NF2: variants seen among roughly 807,000 people sequenced by gnomAD.
The protein encoded by NF2 is NF2, moesin-ezrin-radixin like (MERLIN) tumor suppressor.
NF2 carries 8 observed loss-of-function variants against 83.7 expected under a neutral mutation model. The observed-to-expected ratio is 0.10, with a 90% CI of 0.06 to 0.17. The LOEUF (loss-of-function observed/expected upper bound fraction) is 0.17. Among genes scored for constraint, NF2 ranks in the 10% least tolerant of loss-of-function variants. The pLI is 1.00. For synonymous variants in NF2, 266 were observed against 269.6 expected, an observed-to-expected ratio of 0.99 and a Z score of 0.13; for missense variants, 533 against 744.4, an observed-to-expected ratio of 0.72 and a Z score of 3.31.
At chr22:29,660,196 T>G (rs2530672) in intron 7 of NF2, among the ~76,000 whole-genome samples, 56,970 of 151,982 alleles carry the variant, frequency 0.37, 11,331 homozygotes, top group Non-Finnish European at 0.47. Context: ...CCGTCGCAGG[T>G]TCAGTGCTGT....
chr22:29,618,863 G>A (rs1418627229), intron 1 of NF2, among the ~76,000 whole-genome samples: 2 of 152,156 alleles, frequency 1.3e-5, no homozygotes, highest in African/African-American at 4.8e-5. Context: ...TTCTAAAGGG[G>A]AAGACAGATA....
At chr22:29,676,193 A>G (rs1161069893) in intron 13 of NF2, among the ~76,000 whole-genome samples, 6 of 150,886 alleles carry the variant, frequency 4.0e-5, no homozygotes, top group Non-Finnish European at 1.5e-5. Context: ...TTAGAGAGAG[A>G]GAGTTTTATT....
intron 1 of NF2, 51 bp downstream of exon 1, chr22:29,604,163 C>G (rs909214993): frequency 4.9e-6 from 7 of 1,426,208 alleles, no homozygotes; most frequent in Non-Finnish European, 6.8e-6. Flanking sequence ...GGTGGAAGCT[C>G]GAGAGGTTCT....
chr22:29,655,884 T>C (rs938937869), intron 6 of NF2, among the ~76,000 whole-genome samples: 3 of 152,106 alleles, frequency 2.0e-5, no homozygotes, highest in Non-Finnish European at 4.4e-5. Context: ...ATAAAGTAGG[T>C]ATGTGTACTG....
intron 15 of NF2, among the ~76,000 whole-genome samples, chr22:29,690,248 C>T (rs928918952): frequency 2.0e-5 from 3 of 152,190 alleles, no homozygotes; most frequent in African/African-American, 7.2e-5. Flanking sequence ...GGCTGGGTAC[C>T]AGGTTCTTTT....
chr22:29,658,372 G>A (rs576351061), intron 7 of NF2, 108 bp downstream of exon 7: 4 of 983,868 alleles, frequency 4.1e-6, no homozygotes, highest in Admixed American at 1.9e-5. Context: ...CTCTTTTATG[G>A]TTCTGTGGTA....
intron 10 of NF2, among the ~76,000 whole-genome samples, chr22:29,670,848 C>T (rs1191595362): frequency 1.3e-5 from 2 of 152,110 alleles, no homozygotes; most frequent in African/African-American, 4.8e-5. Context: ...CTGTGTTTCC[C>T]GCCTGGCTCC....
intron 9 of NF2, among the ~76,000 whole-genome samples, chr22:29,665,286 G>C (rs1211135742): frequency 6.6e-6 from 1 of 151,644 alleles, no homozygotes; most frequent in African/African-American, 2.4e-5. Context: ...TGTCGCCCAG[G>C]CTGGAGTGCA....
chr22:29,646,653 C>T (rs1278541990), intron 4 of NF2, among the ~76,000 whole-genome samples: 2 of 152,112 alleles, frequency 1.3e-5, no homozygotes, highest in Non-Finnish European at 2.9e-5. Context: ...CAGTTAATTC[C>T]AAAGCATAAA....
rs1215998665 is a variant in NF2, at chr22:29,673,456, C to T, written c.1310C>T (p.Ala437Val). ...EQKVLEAEVL[A>V]LKMAEESERR... ...AAGGTGCTGGAAGCCGAGGTGCTGGCACTGAAGATGGCTGAGGAGTCAGAG... is the reference window on the plus strand; with the variant it reads ...AAGGTGCTGGAAGCCGAGGTGCTGGTACTGAAGATGGCTGAGGAGTCAGAG... The change falls in exon 12 of 16, where the codon GCA becomes GTA. Residue 437 changes from alanine to valine, a missense_variant. Around this residue, in one of 3 missense-constraint regions of NF2, gnomAD observed 199 missense variants for 240.7 expected, o/e 0.83. Coordinates refer to ENST00000338641, the MANE Select transcript of NF2 (RefSeq NM_000268.4). 1 of 1,611,350 alleles carries T rather than the reference C, an allele frequency of 6.2e-7. No homozygotes were observed. The highest frequency in any genetic ancestry group is 1.1e-5 in the South Asian group (1 of 89,972).
intron 15 of NF2, among the ~76,000 whole-genome samples, chr22:29,687,081 T>C (rs1400880244): frequency 1.3e-5 from 2 of 152,224 alleles, no homozygotes; most frequent in Non-Finnish European, 2.9e-5. Context: ...TCAGGGTCTT[T>C]CTTTCATCGC....
intron 4 of NF2, among the ~76,000 whole-genome samples, chr22:29,645,188 CAA>C (rs1464759654): frequency 6.6e-6 from 1 of 152,180 alleles, no homozygotes; most frequent in East Asian, 1.9e-4. Context: ...ATAGAAGCAC[CAA>C]AGTCAATTTA....
At chr22:29,607,862 G>A (rs2064839115) in intron 1 of NF2, among the ~76,000 whole-genome samples, 1 of 152,030 alleles carries the variant, frequency 6.6e-6, no homozygotes, top group Non-Finnish European at 1.5e-5. Flanking sequence ...AGAATCAAAT[G>A]AAAATTCTGG....
chr22:29,651,373 A>C (rs913763965), intron 4 of NF2, among the ~76,000 whole-genome samples: 5 of 152,216 alleles, frequency 3.3e-5, no homozygotes, highest in Non-Finnish European at 7.3e-5. Context: ...TCTGGGTCTG[A>C]ATTTTAATAA....
chr22:29,631,178 G>A (rs1374905031), intron 1 of NF2, among the ~76,000 whole-genome samples: 3 of 152,164 alleles, frequency 2.0e-5, no homozygotes, highest in African/African-American at 7.2e-5. Context: ...TATGCTGTTT[G>A]TCAGATACTA....
At position 29,681,531 on chromosome 22, in the gene NF2, C is replaced by T. The variant is rs766752048; in HGVS notation, c.1667C>T (p.Thr556Ile). ...GCCTTGAAACTGAAAGAGAGGGAGACAGCTCTGGATATTCTGCACAATGAG... is the reference window on the plus strand; with the variant it reads ...GCCTTGAAACTGAAAGAGAGGGAGATAGCTCTGGATATTCTGCACAATGAG... Reference protein sequence around the residue: ...IEALKLKERETALDILHNENS... With the variant: ...IEALKLKEREIALDILHNENS... The change falls in exon 15 of 16, where the codon ACA (threonine) becomes ATA (isoleucine). Residue 556 changes from threonine to isoleucine, a missense_variant. Around this residue, in one of 3 missense-constraint regions of NF2, gnomAD observed 199 missense variants for 240.7 expected, o/e 0.83. Transcript: ENST00000338641. The T allele has an allele frequency of 2.5e-6, 4 of 1,614,072 alleles. No homozygotes were observed. Among genetic ancestry groups the T allele is most frequent in the Non-Finnish European group, 3.4e-6 (4 of 1,180,050 alleles).
chr22:29,691,501 G>C (rs765434119), intron 15 of NF2, among the ~76,000 whole-genome samples: 66 of 152,256 alleles, frequency 4.3e-4, no homozygotes, highest in Non-Finnish European at 8.1e-4. Flanking sequence ...GGGGAACCAG[G>C]AAACTTGTTA....
Position 29,695,329 on chromosome 22 carries a change from G to A in NF2, c.*527G>A, listed in dbSNP as rs985623687. The A allele has an allele frequency of 3.7e-6, 1 of 268,608 alleles. No homozygotes were observed. 16.6% of individuals were successfully genotyped at this position (268,608 alleles called of 1,614,324 possible). ...CCGGCTTCTCATCGTCAGGGAGCCCGCCCAGAGCTCGTGACGAGCAAGTGC... is the reference window on the plus strand; with the variant it reads ...CCGGCTTCTCATCGTCAGGGAGCCCACCCAGAGCTCGTGACGAGCAAGTGC... On this transcript the variant is annotated 3_prime_UTR_variant, in exon 16 of 16. Transcript: ENST00000338641. The surrounding 1 kb of genome is among the most constrained non-coding windows in gnomAD (Gnocchi z 5.4).
rs944495675 is a variant in NF2 at position 29,698,361 on chromosome 22, C to A, written c.*3559C>A. On this transcript the variant is annotated 3_prime_UTR_variant, in exon 16 of 16. Coordinates refer to ENST00000338641, the MANE Select transcript of NF2 (RefSeq NM_000268.4). The stretch of plus-strand genomic sequence containing the variant: ...CACTGACAGGGTGGGGCCTCACCAC[C>A]CCTGGAGGGAGCAGCGTTGGCAGGG... The A allele has an allele frequency of 1.4e-5, 3 of 220,938 alleles. No individual in the cohort carries two copies. The highest frequency in any genetic ancestry group is 2.7e-5 in the Non-Finnish European group (3 of 110,338). 13.7% of individuals were successfully genotyped at this position (220,938 alleles called of 1,614,324 possible).
Sources: allele counts gnomAD v4.1 joint callset (sites outside exome capture counted in the v4.1 genomes callset), GRCh38; gene constraint gnomAD v4.1.1; regional missense constraint gnomAD v4.1.1; non-coding constraint Gnocchi (gnomAD v3.1); transcripts MANE v1.5; gene names NCBI Gene and HGNC (gene_info 2026-07-23, HGNC 2026-07-21).